Variants in C1QTNF3 observed in about 807,000 individuals in gnomAD.
C1QTNF3 encodes the protein complement C1q tumor necrosis factor-related protein 3.
C1QTNF3 carries 26 observed loss-of-function variants against 32.6 expected under a neutral mutation model. That is an observed-to-expected ratio of 0.80 (90% CI 0.58 to 1.11). The LOEUF (loss-of-function observed/expected upper bound fraction) is 1.11, where lower values mean the gene tolerates loss of function less well. Among genes scored for constraint, C1QTNF3 ranks in the 50% least tolerant of loss-of-function variants. The probability of loss-of-function intolerance (pLI) is 0.00; values close to 1 mark genes in which losing one functional copy is unlikely to be tolerated. For synonymous variants in C1QTNF3, 155 were observed against 146.0 expected, an observed-to-expected ratio of 1.06 and a Z score of -0.44; for missense variants, 362 against 398.2, an observed-to-expected ratio of 0.91 and a Z score of 0.77.
chr5:34,130,184 T>C, the C1QTNF3 span, among the ~76,000 whole-genome samples: 1 of 151,956 alleles, frequency 6.6e-6, no homozygotes, highest in Non-Finnish European at 1.5e-5. Flanking sequence ...TGTGCATATA[T>C]ATTTCCCAGC....
At chr5:34,227,370 C>G in the C1QTNF3 span, among the ~76,000 whole-genome samples, 13 of 151,944 alleles carry the variant, frequency 8.6e-5, no homozygotes, top group African/African-American at 2.2e-4. Flanking sequence ...CATGTATGCT[C>G]TGTGTGTGCC....
At chr5:34,043,452 A>G, upstream of C1QTNF3, 2 of 330,412 alleles carry the variant, frequency 6.1e-6, no homozygotes, top group South Asian at 9.2e-5. Context: ...CTGGGAACAG[A>G]GAGCATGTGT....
the C1QTNF3 span, among the ~76,000 whole-genome samples, chr5:34,077,153 A>G: frequency 6.6e-6 from 1 of 151,812 alleles, no homozygotes; most frequent in Admixed American, 6.6e-5. Flanking sequence ...ACAATAAAGA[A>G]GAAATATTTT....
chr5:34,056,880 A>T, the C1QTNF3 span, among the ~76,000 whole-genome samples: 1 of 152,132 alleles, frequency 6.6e-6, no homozygotes, highest in African/African-American at 2.4e-5. Flanking sequence ...TACAGTGCAG[A>T]CAGGAAAAAT....
the C1QTNF3 span, among the ~76,000 whole-genome samples, chr5:34,226,065 C>T: frequency 6.6e-6 from 1 of 151,880 alleles, no homozygotes; most frequent in Non-Finnish European, 1.5e-5. Context: ...AAATGCTTCT[C>T]TCTTTCTTGT....
the C1QTNF3 span, among the ~76,000 whole-genome samples, chr5:34,227,798 G>T: frequency 1.3e-5 from 2 of 151,754 alleles, no homozygotes; most frequent in African/African-American, 4.8e-5. Flanking sequence ...GCTAAAATTG[G>T]TAAGTATATC....
At chr5:34,128,835 T>C in the C1QTNF3 span, among the ~76,000 whole-genome samples, 1 of 152,218 alleles carries the variant, frequency 6.6e-6, no homozygotes, top group South Asian at 2.1e-4. Context: ...GACTTTGGAC[T>C]GGACTTTTGG....
chr5:34,107,816 C>T, the C1QTNF3 span, among the ~76,000 whole-genome samples: 2 of 152,098 alleles, frequency 1.3e-5, no homozygotes, highest in African/African-American at 4.8e-5. Context: ...CAATTCTTCA[C>T]CTTGTTTCTT....
rs1419423353 is a variant in C1QTNF3 at position 34,019,447 on chromosome 5, C to G, written c.*1136G>C. 6.6e-6 allele frequency: 1 copy of G among 152,216 alleles called. No individual in the cohort carries two copies. Among genetic ancestry groups the G allele is most frequent in the Admixed American group, 6.5e-5 (1 of 15,278 alleles). 9.4% of individuals were successfully genotyped at this position (152,216 alleles called of 1,614,324 possible). A position where few individuals can be genotyped will look rare whatever the true frequency, so the allele number is the denominator to read the frequency against. ...ACTTAAGGTATGTGATAAAAAACCT[C>G]TTTCCTTACAGGTATTCAGATTTTA... On this transcript the variant is annotated 3_prime_UTR_variant, in exon 6 of 6. Coordinates refer to ENST00000382065, the MANE Select transcript of C1QTNF3 (RefSeq NM_181435.6).
chr5:34,033,740 C>G (rs1250625133), intron 2 of C1QTNF3, among the ~76,000 whole-genome samples: 1 of 152,144 alleles, frequency 6.6e-6, no homozygotes, highest in Admixed American at 6.5e-5. Context: ...AGATTGGAAA[C>G]CACCTATATA....
At chr5:34,140,344 C>T in the C1QTNF3 span, among the ~76,000 whole-genome samples, 2 of 152,232 alleles carry the variant, frequency 1.3e-5, no homozygotes, top group South Asian at 2.1e-4. Context: ...TCCCATTATC[C>T]TCAGAGTGAA....
chr5:34,235,174 T>G, the C1QTNF3 span, among the ~76,000 whole-genome samples: 1 of 152,108 alleles, frequency 6.6e-6, no homozygotes. Context: ...GGTTCCTTGT[T>G]TTTTATGAAC....
chr5:34,215,975 C>G, the C1QTNF3 span, among the ~76,000 whole-genome samples: 1 of 152,132 alleles, frequency 6.6e-6, no homozygotes, highest in Non-Finnish European at 1.5e-5. Flanking sequence ...GTGCTGTGGC[C>G]AAGTTTAGGA....
At chr5:34,051,749 A>G in the C1QTNF3 span, among the ~76,000 whole-genome samples, 6 of 152,274 alleles carry the variant, frequency 3.9e-5, no homozygotes, top group African/African-American at 1.4e-4. Context: ...CGTCCTAGAC[A>G]TTTTTCCAGT....
chr5:34,219,731 T>A, the C1QTNF3 span, among the ~76,000 whole-genome samples: 1 of 152,100 alleles, frequency 6.6e-6, no homozygotes, highest in Non-Finnish European at 1.5e-5. Context: ...AAGGGAAAAA[T>A]GGACATTCAG....
At chr5:34,079,910 G>A in the C1QTNF3 span, among the ~76,000 whole-genome samples, 1 of 151,694 alleles carries the variant, frequency 6.6e-6, no homozygotes, top group Non-Finnish European at 1.5e-5. Context: ...TGCTAAAAGT[G>A]TAGATCCTAT....
chr5:34,235,442 C>T, the C1QTNF3 span, among the ~76,000 whole-genome samples: 19 of 151,872 alleles, frequency 1.3e-4, no homozygotes, highest in African/African-American at 4.4e-4. Context: ...AATAACCTCC[C>T]ACAGAATGCA....
the C1QTNF3 span, among the ~76,000 whole-genome samples, chr5:34,102,129 A>C: frequency 1.3e-5 from 2 of 150,558 alleles, no homozygotes; most frequent in African/African-American, 4.9e-5. Flanking sequence ...CTAATGTAAC[A>C]ATGTTTACTC....
chr5:34,146,063 C>G, the C1QTNF3 span, among the ~76,000 whole-genome samples: 5 of 152,182 alleles, frequency 3.3e-5, no homozygotes, highest in Admixed American at 2.0e-4. Context: ...CCAAATAGGC[C>G]AAAGCTGGAA....
Sources: allele counts gnomAD v4.1 joint callset (sites outside exome capture counted in the v4.1 genomes callset), GRCh38; gene constraint gnomAD v4.1.1; transcripts MANE v1.5; gene names NCBI Gene and HGNC (gene_info 2026-07-23, HGNC 2026-07-21).